CASP10: variants seen among roughly 807,000 people sequenced by gnomAD.
The protein encoded by CASP10 is caspase-10.
Under a neutral mutation model 48.5 loss-of-function variants are expected in CASP10, and 41 were observed. That is an observed-to-expected ratio of 0.85 (90% CI 0.66 to 1.10). The LOEUF (loss-of-function observed/expected upper bound fraction) is 1.10. Ranked by LOEUF, CASP10 falls within the 50% of genes least tolerant of loss-of-function variation. The pLI, the probability that CASP10 is intolerant of heterozygous loss-of-function variation, is 0.00. For missense variants in CASP10, 614 were observed against 614.5 expected (o/e 1.00, Z 0.01); for synonymous variants, 232 against 238.4 (o/e 0.97, Z 0.25).
At chr2:201,192,904 C>T in intron 3 of CASP10, 80 bp from the exon 4 acceptor site, 1 of 1,425,300 alleles carries the variant, frequency 7.0e-7, no homozygotes, top group South Asian at 1.2e-5. Context: ...AAACCTAGTG[C>T]CTACTGGCCA....
Position 201,220,313 on chromosome 2 carries a change from T to G in CASP10, c.*2572T>G. The stretch of plus-strand genomic sequence containing the variant: ...GAGTAAAATACAGATAAGACAGCTC[T>G]GGCATAGAGGGAGGTGGGGGGGTGG... On this transcript the variant is annotated 3_prime_UTR_variant, in exon 10 of 10. Transcript: ENST00000286186. 6 of 165,222 alleles carry G rather than the reference T, an allele frequency of 3.6e-5. No homozygotes were observed. The highest frequency in any genetic ancestry group is 5.5e-5 in the Non-Finnish European group (5 of 91,382). The allele number at this position is 165,222 out of a possible 1,614,324, so 10.2% of individuals were successfully genotyped here.
At position 201,220,001 on chromosome 2, in the gene CASP10, C is replaced by T; in HGVS notation, c.*2260C>T. On this transcript the variant is annotated 3_prime_UTR_variant, in exon 10 of 10. Transcript: ENST00000286186. ...TAAAAAAATGTCAAGGAATGAAGAA[C>T]AACAACTCTCAGTGGTGCCTGCATT... 1.0e-6 allele frequency: 1 copy of T among 985,364 alleles called. No homozygotes were observed. Among genetic ancestry groups the T allele is most frequent in the Non-Finnish European group, 1.2e-6 (1 of 829,900 alleles). 61.0% of individuals were successfully genotyped at this position (985,364 alleles called of 1,614,324 possible). A position where few individuals can be genotyped will look rare whatever the true frequency, so the allele number is the denominator to read the frequency against.
At chr2:201,211,137 C>T (rs1945381235) in intron 9 of CASP10, among the ~76,000 whole-genome samples, 2 of 152,122 alleles carry the variant, frequency 1.3e-5, no homozygotes, top group African/African-American at 4.8e-5. Flanking sequence ...TATACAACAC[C>T]TTACTGATTG....
Position 201,219,106 on chromosome 2 carries a change from C to T in CASP10, c.*1365C>T. On this transcript the variant is annotated 3_prime_UTR_variant, in exon 10 of 10. Transcript: ENST00000286186. ...CCAATACGGCAAAACCTCATCATTA[C>T]TAAAAACACAAAAATTAGCCAGGTG... 2.0e-6 allele frequency: 1 copy of T among 491,088 alleles called. No individual in the cohort carries two copies. The highest frequency in any genetic ancestry group is 8.7e-5 in the South Asian group (1 of 11,448). The allele number at this position is 491,088 out of a possible 1,614,324, so 30.4% of individuals were successfully genotyped here.
intron 3 of CASP10, among the ~76,000 whole-genome samples, chr2:201,192,394 AAAT>A (rs35491925): frequency 0.11 from 16,414 of 148,848 alleles, 1,799 homozygotes; most frequent in African/African-American, 0.29. Flanking sequence ...CTCCATCTCA[AAAT>A]AATAATAATA....
In CASP10 at chr2:201,205,982, G is replaced by A. The variant is rs764915124; in HGVS notation, c.813+9G>A. 1.3e-6 allele frequency: 2 copies of A among 1,588,618 alleles called. No individual in the cohort carries two copies. Among genetic ancestry groups the A allele is most frequent in the Non-Finnish European group, 1.7e-6 (2 of 1,158,348 alleles). ...CTGAAACCAGCACAAAGGTCTGGAT[G>A]GTTTCTTTTATTCCTTTTTTAATAA... On this transcript the variant is annotated intron_variant, in intron 7 of 9. Transcript: ENST00000286186.
chr2:201,196,043 C>G lies in CASP10; in HGVS notation c.684+95C>G, dbSNP rs982619364. On this transcript the variant is annotated intron_variant, in intron 5 of 9. Coordinates refer to ENST00000286186, the MANE Select transcript of CASP10 (RefSeq NM_032977.4). ...CCCAAAAAAGAAAAAGAGAGAGAGGCCCCGGTTTGTACCATTTATTGTAAA... is the reference window on the plus strand; with the variant it reads ...CCCAAAAAAGAAAAAGAGAGAGAGGGCCCGGTTTGTACCATTTATTGTAAA... 16 of 818,656 alleles carry G rather than the reference C, an allele frequency of 2.0e-5. No individual in the cohort carries two copies. In the East Asian group the frequency reaches 2.9e-4, roughly 15 times the overall value. 50.7% of individuals were successfully genotyped at this position (818,656 alleles called of 1,614,324 possible).
chr2:201,193,198 ATTTGTTTTGTTTTGT>A, intron 4 of CASP10, 79 bp downstream of exon 4: 1 of 1,463,756 alleles, frequency 6.8e-7, no homozygotes, highest in Non-Finnish European at 9.5e-7. Flanking sequence ...TGTTTTGATT[ATTTGTTTTGTTTTGT>A]TTTGTTTTGA....
At position 201,219,056 on chromosome 2, in the gene CASP10, G is replaced by A. The variant is rs1945654750; in HGVS notation, c.*1315G>A. On this transcript the variant is annotated 3_prime_UTR_variant, in exon 10 of 10. Transcript: ENST00000286186. ...AAGCCAAGGCAGGCAGATCACTTGA[G>A]GTCAGGAGTTCGAGACCAGCCTGGC... 1 of 902,972 alleles carries A rather than the reference G, an allele frequency of 1.1e-6. No individual in the cohort carries two copies. The highest frequency in any genetic ancestry group is 1.3e-6 in the Non-Finnish European group (1 of 754,806). 55.9% of individuals were successfully genotyped at this position (902,972 alleles called of 1,614,324 possible). A position where few individuals can be genotyped will look rare whatever the true frequency, so the allele number is the denominator to read the frequency against.
rs780080444 is a variant in CASP10 at position 201,185,845 on chromosome 2, A to G, written c.68A>G (p.Lys23Arg). ...DKNCKVSFRE[K>R]LLIIDSNLGV... ...AACTGTAAAGTGAGCTTTCGTGAGA[A>G]GCTTCTGATTATTGATTCAAACCTG... Residue 23 changes from lysine (K) to arginine (R), a missense_variant, in exon 2 of 10, where the codon AAG becomes AGG. Transcript: ENST00000286186. 6.2e-7 allele frequency: 1 copy of G among 1,614,154 alleles called. No individual in the cohort carries two copies. Among genetic ancestry groups the G allele is most frequent in the South Asian group, 1.1e-5 (1 of 91,088 alleles).
chr2:201,223,118 T>C (rs1344909728), downstream of CASP10, among the ~76,000 whole-genome samples: 1 of 152,214 alleles, frequency 6.6e-6, no homozygotes, highest in African/African-American at 2.4e-5. Flanking sequence ...TGCTTCATAT[T>C]TGAGTACTGC....
intron 7 of CASP10, 48 bp from the exon 8 acceptor site, chr2:201,208,027 G>C: frequency 7.5e-7 from 1 of 1,334,854 alleles, no homozygotes; most frequent in Non-Finnish European, 1.1e-6. Flanking sequence ...AAACATTTAA[G>C]GCCCTAAGAT....
At chr2:201,209,660 C>T (rs1403528503) in intron 9 of CASP10, 98 bp downstream of exon 9, 33 of 1,280,478 alleles carry the variant, frequency 2.6e-5, no homozygotes, top group Middle Eastern at 2.7e-4. Flanking sequence ...GAGAGTTCTA[C>T]GTTGTTCTAT....
intron 5 of CASP10, among the ~76,000 whole-genome samples, chr2:201,199,880 C>T (rs1207486894): frequency 2.0e-5 from 3 of 152,030 alleles, no homozygotes; most frequent in Admixed American, 2.0e-4. Flanking sequence ...GGCATAGTCT[C>T]CTTTAATCTT....
At chr2:201,190,401 A>G (rs1417126826) in intron 3 of CASP10, among the ~76,000 whole-genome samples, 2 of 152,224 alleles carry the variant, frequency 1.3e-5, no homozygotes, top group Non-Finnish European at 2.9e-5. Flanking sequence ...TTTATAAAAC[A>G]TTGTAAGGAT....
At chr2:201,203,495 T>TG (rs1243565242) in intron 5 of CASP10, among the ~76,000 whole-genome samples, 4 of 152,078 alleles carry the variant, frequency 2.6e-5, no homozygotes, top group Admixed American at 1.3e-4. Flanking sequence ...TTAGTAGAGG[T>TG]GGGGTTTCAC....
At chr2:201,226,951 T>C (rs1489357704) in intron 9 of CASP10, among the ~76,000 whole-genome samples, 1 of 152,194 alleles carries the variant, frequency 6.6e-6, no homozygotes, top group African/African-American at 2.4e-5. Flanking sequence ...ATGATTTATA[T>C]AATGTTAAAA....
intron 5 of CASP10, among the ~76,000 whole-genome samples, chr2:201,199,325 C>T (rs1030126518): frequency 6.6e-6 from 1 of 151,992 alleles, no homozygotes; most frequent in Non-Finnish European, 1.5e-5. Flanking sequence ...TTTAAACCAT[C>T]TAGTACAAAA....
At chr2:201,204,869 C>T (rs1480500570) in intron 6 of CASP10, among the ~76,000 whole-genome samples, 1 of 152,170 alleles carries the variant, frequency 6.6e-6, no homozygotes, top group African/African-American at 2.4e-5. Context: ...TATAGGTGCT[C>T]TGAGCCACTG....
Sources: allele counts gnomAD v4.1 joint callset (sites outside exome capture counted in the v4.1 genomes callset), GRCh38; gene constraint gnomAD v4.1.1; transcripts MANE v1.5; gene names NCBI Gene and HGNC (gene_info 2026-07-23, HGNC 2026-07-21).